The following TAFA2 variants were observed in gnomAD, a reference collection of about 807,000 sequenced individuals.
TAFA2 encodes chemokine-like protein TAFA-2.
Under a neutral mutation model 18.8 loss-of-function variants are expected in TAFA2, and 7 were observed. That is an observed-to-expected ratio of 0.37 (90% CI 0.21 to 0.70). TAFA2 has a LOEUF of 0.70. TAFA2 is among the 30% of genes least tolerant of loss of function. The probability of loss-of-function intolerance (pLI) is 0.53; values close to 1 mark genes in which losing one functional copy is unlikely to be tolerated. For missense variants in TAFA2, 122 were observed against 158.1 expected (o/e 0.77, Z 1.23); for synonymous variants, 60 against 54.2 (o/e 1.11, Z -0.47).
intron 4 of TAFA2, among the ~76,000 whole-genome samples, chr12:61,728,400 G>A (rs1387357159): frequency 6.6e-6 from 1 of 151,856 alleles, no homozygotes; most frequent in African/African-American, 2.4e-5. Context: ...ATAAATTTGG[G>A]ATCTCCAGCA....
At chr12:61,880,393 G>A (rs1875071606) in intron 1 of TAFA2, 2 of 533,426 alleles carry the variant, frequency 3.7e-6, no homozygotes, top group Non-Finnish European at 7.6e-6. Context: ...TGGAGCTGGA[G>A]GCCGCCCTGC....
chr12:61,808,900 T>A (rs1247227150), intron 2 of TAFA2, among the ~76,000 whole-genome samples: 1 of 151,602 alleles, frequency 6.6e-6, no homozygotes, highest in African/African-American at 2.4e-5. Context: ...ATCTAAATTG[T>A]ATTATTAAAT....
At chr12:61,893,461 A>T (rs1875717520) in intron 1 of TAFA2, among the ~76,000 whole-genome samples, 2 of 152,154 alleles carry the variant, frequency 1.3e-5, no homozygotes, top group Admixed American at 1.3e-4. Flanking sequence ...ATACAGGACG[A>T]TGTGTGTGTG....
chr12:62,026,127 T>C (rs534939670), intron 1 of TAFA2, among the ~76,000 whole-genome samples: 1 of 152,296 alleles, frequency 6.6e-6, no homozygotes, highest in African/African-American at 2.4e-5. Flanking sequence ...TAGATGAGCA[T>C]AAACATTAAC....
chr12:61,766,416 C>T (rs1869792389), intron 2 of TAFA2, among the ~76,000 whole-genome samples: 1 of 152,154 alleles, frequency 6.6e-6, no homozygotes, highest in South Asian at 2.1e-4. Flanking sequence ...TTTGCCAAGT[C>T]CATCTCCCTG....
At chr12:62,184,012 TA>T (rs1248619739) in intron 1 of TAFA2, among the ~76,000 whole-genome samples, 4 of 152,176 alleles carry the variant, frequency 2.6e-5, no homozygotes, top group Non-Finnish European at 4.4e-5. Flanking sequence ...TACTAAATTA[TA>T]AGATTAAATC....
intron 4 of TAFA2, among the ~76,000 whole-genome samples, chr12:61,734,117 T>C (rs1476888945): frequency 6.6e-6 from 1 of 151,056 alleles, no homozygotes; most frequent in Non-Finnish European, 1.5e-5. Flanking sequence ...TTTTGTACAT[T>C]GATTTTGTAT....
intron 1 of TAFA2, among the ~76,000 whole-genome samples, chr12:62,086,603 T>A (rs1157024772): frequency 6.6e-6 from 1 of 152,046 alleles, no homozygotes; most frequent in Non-Finnish European, 1.5e-5. Context: ...AGATACCACT[T>A]CATACATATA....
intron 1 of TAFA2, among the ~76,000 whole-genome samples, chr12:62,038,829 C>T (rs917927274): frequency 1.3e-4 from 20 of 152,172 alleles, no homozygotes; most frequent in African/African-American, 4.3e-4. Flanking sequence ...CAAGAGTACA[C>T]TGTACATCTT....
At chr12:61,727,706 C>T (rs984995434) in intron 4 of TAFA2, among the ~76,000 whole-genome samples, 27 of 151,460 alleles carry the variant, frequency 1.8e-4, no homozygotes, top group African/African-American at 6.5e-4. Context: ...GGTTTAGTTA[C>T]ACTTTCATTT....
intron 1 of TAFA2, among the ~76,000 whole-genome samples, chr12:61,935,776 A>T (rs1424273204): frequency 6.6e-6 from 1 of 152,118 alleles, no homozygotes; most frequent in Non-Finnish European, 1.5e-5. Context: ...CTGGAAACAC[A>T]CAAGCCCCCA....
At chr12:62,231,165 A>C (rs1565784357) in intron 1 of TAFA2, among the ~76,000 whole-genome samples, 1 of 152,162 alleles carries the variant, frequency 6.6e-6, no homozygotes, top group Non-Finnish European at 1.5e-5. Context: ...ACTGTATTGC[A>C]GTCCATCTCT....
At chr12:62,200,924 G>C (rs2062668252) in intron 1 of TAFA2, among the ~76,000 whole-genome samples, 1 of 152,162 alleles carries the variant, frequency 6.6e-6, no homozygotes, top group Non-Finnish European at 1.5e-5. Context: ...TCCCTGAGCA[G>C]TGGTTCGTAG....
At chr12:62,184,133 T>C (rs1565773178) in intron 1 of TAFA2, among the ~76,000 whole-genome samples, 2 of 152,132 alleles carry the variant, frequency 1.3e-5, no homozygotes, top group Non-Finnish European at 2.9e-5. Context: ...AGAACCCAAA[T>C]AGCAAGCTAA....
intron 4 of TAFA2, among the ~76,000 whole-genome samples, chr12:61,733,412 C>G (rs1039068138): frequency 1.3e-5 from 2 of 151,966 alleles, no homozygotes; most frequent in African/African-American, 4.8e-5. Flanking sequence ...TTAGGTCTAA[C>G]GTTTAAGTCT....
chr12:61,808,144 G>A (rs535981491), intron 2 of TAFA2, among the ~76,000 whole-genome samples: 9 of 151,672 alleles, frequency 5.9e-5, no homozygotes, highest in Admixed American at 5.9e-4. Context: ...TTGTGGGAGG[G>A]ACCCAGTGAA....
intron 1 of TAFA2, among the ~76,000 whole-genome samples, chr12:61,982,896 T>G (rs1315628621): frequency 1.3e-5 from 1 of 78,646 alleles, no homozygotes; most frequent in Admixed American, 1.2e-4. Context: ...AAAAAAAAAG[T>G]TACTTTTTTA....
intron 2 of TAFA2, among the ~76,000 whole-genome samples, chr12:61,758,073 A>T (rs1869361004): frequency 6.6e-6 from 1 of 152,096 alleles, no homozygotes; most frequent in South Asian, 2.1e-4. Context: ...GCCTCCCCGT[A>T]GCAGGCACTT....
chr12:62,026,245 T>A (rs1240414316), intron 1 of TAFA2, among the ~76,000 whole-genome samples: 1 of 152,136 alleles, frequency 6.6e-6, no homozygotes. Flanking sequence ...TGGTTTCCAT[T>A]CCTCACTTGT....
Sources: gnomAD v4.1 joint callset for allele counts (sites outside exome capture counted in the v4.1 genomes callset) on GRCh38, gnomAD v4.1.1 for gene constraint, MANE v1.5 for transcripts, NCBI Gene and HGNC (gene_info 2026-07-23, HGNC 2026-07-21) for gene names.